IGF1R: variants seen among roughly 807,000 people sequenced by gnomAD.
IGF1R encodes the protein insulin like growth factor 1 receptor, also known as insulin-like growth factor 1 receptor.
In IGF1R, 44 loss-of-function variants were observed where a neutral mutation model predicts 144.6. That is an observed-to-expected ratio of 0.30 (90% CI 0.24 to 0.39). IGF1R has a LOEUF of 0.39. Among genes scored for constraint, IGF1R ranks in the 10% least tolerant of loss-of-function variants. The pLI, the probability that IGF1R is intolerant of heterozygous loss-of-function variation, is 1.00. For missense variants in IGF1R, 1,355 were observed against 1,833.7 expected (o/e 0.74, Z 4.77); for synonymous variants, 795 against 722.8 (o/e 1.10, Z -1.60).
intron 2 of IGF1R, among the ~76,000 whole-genome samples, chr15:98,862,361 T>A (rs943755587): frequency 2.0e-5 from 3 of 152,218 alleles, no homozygotes; most frequent in Non-Finnish European, 4.4e-5. Context: ...CCTCTTTGCA[T>A]CCTTCAACCA....
intron 2 of IGF1R, among the ~76,000 whole-genome samples, chr15:98,807,905 G>A (rs1262664519): frequency 1.3e-5 from 2 of 152,222 alleles, no homozygotes; most frequent in African/African-American, 2.4e-5. Context: ...AATCATTTTG[G>A]TGAATTTAGT....
At chr15:98,715,560 A>T (rs1040900197) in intron 2 of IGF1R, among the ~76,000 whole-genome samples, 1 of 152,126 alleles carries the variant, frequency 6.6e-6, no homozygotes, top group Admixed American at 6.5e-5. Flanking sequence ...CCTCATGTGT[A>T]TGCCAGTGTG....
chr15:98,765,484 T>C (rs1285981464), intron 2 of IGF1R, among the ~76,000 whole-genome samples: 1 of 151,896 alleles, frequency 6.6e-6, no homozygotes, highest in Admixed American at 6.6e-5. Context: ...AATTTTTTTT[T>C]CTTTTCTCTT....
chr15:98,915,321 C>T (rs976676824), intron 8 of IGF1R, among the ~76,000 whole-genome samples: 46 of 152,190 alleles, frequency 3.0e-4, no homozygotes, highest in Non-Finnish European at 1.0e-4. Flanking sequence ...GGCTTCCATG[C>T]GTTTGCAGTT....
intron 18 of IGF1R, among the ~76,000 whole-genome samples, chr15:98,941,343 C>T (rs908781699): frequency 4.6e-5 from 7 of 152,180 alleles, no homozygotes; most frequent in African/African-American, 1.2e-4. Context: ...CTCCCCACTG[C>T]GCGTCACCCT....
intron 2 of IGF1R, among the ~76,000 whole-genome samples, chr15:98,772,510 A>ATTG (rs3076034): frequency 0.046 from 6,494 of 141,892 alleles, 220 homozygotes; most frequent in Admixed American, 0.083. Flanking sequence ...TATTATTATT[A>ATTG]TTATTTTAAG....
chr15:98,797,209 C>T (rs1482004714), intron 2 of IGF1R, among the ~76,000 whole-genome samples: 1 of 152,156 alleles, frequency 6.6e-6, no homozygotes, highest in Non-Finnish European at 1.5e-5. Flanking sequence ...AGGAAGTCAC[C>T]TGATGTCCAT....
At chr15:98,932,221 G>A (rs538293699) in intron 15 of IGF1R, among the ~76,000 whole-genome samples, 1 of 152,330 alleles carries the variant, frequency 6.6e-6, no homozygotes, top group East Asian at 1.9e-4. Context: ...CACCCAGGTC[G>A]ACAGGTGGGA....
chr15:98,953,987 C>G (rs938277495), intron 20 of IGF1R, among the ~76,000 whole-genome samples: 4 of 152,172 alleles, frequency 2.6e-5, no homozygotes, highest in African/African-American at 4.8e-5. Context: ...ACGACCCTTA[C>G]TGTTGAGGGC....
chr15:98,664,679 A>T (rs2052685722), intron 1 of IGF1R, among the ~76,000 whole-genome samples: 1 of 133,904 alleles, frequency 7.5e-6, no homozygotes. Context: ...GGCGAGAGTG[A>T]GACTCCATGT....
At chr15:98,679,419 C>T (rs749106644) in intron 1 of IGF1R, among the ~76,000 whole-genome samples, 1 of 152,122 alleles carries the variant, frequency 6.6e-6, no homozygotes, top group Non-Finnish European at 1.5e-5. Flanking sequence ...AATTAATTGC[C>T]GTGCTCCACA....
rs915155570 is a variant in IGF1R, at chr15:98,858,480, T to C, written c.641-32845T>C. Among the ~76,000 whole-genome samples the C allele has an allele frequency of 5.3e-5, 8 of 152,356 alleles. No individual in the cohort carries two copies. In the East Asian group the frequency reaches 1.3e-3, roughly 26 times the overall value. Reference sequence around the variant, plus strand: ...CATTTCCAGTTATATTTAATTTTCCTCCTTGAATAGAAAAATATTTCCAAC... The same window carrying C: ...CATTTCCAGTTATATTTAATTTTCCCCCTTGAATAGAAAAATATTTCCAAC... On this transcript the variant is annotated intron_variant, in intron 2 of 20. Transcript: ENST00000650285.
chr15:98,678,517 G>GTTTTTGTTGTGTTTC (rs2053105199), intron 1 of IGF1R, among the ~76,000 whole-genome samples: 1 of 150,476 alleles, frequency 6.6e-6, no homozygotes, highest in Admixed American at 6.6e-5. Context: ...AAAAAGAATA[G>GTTTTTGTTGTGTTTC]TTTTTGTTGT....
At chr15:98,717,439 G>C (rs1463088053) in intron 2 of IGF1R, among the ~76,000 whole-genome samples, 1 of 151,948 alleles carries the variant, frequency 6.6e-6, no homozygotes, top group African/African-American at 2.4e-5. Flanking sequence ...ATAACTAAAT[G>C]GTCCTTCTGT....
At chr15:98,702,138 C>A (rs956375812) in intron 1 of IGF1R, among the ~76,000 whole-genome samples, 1 of 145,182 alleles carries the variant, frequency 6.9e-6, no homozygotes, top group South Asian at 2.3e-4. Context: ...AGCTTTGGGG[C>A]GTTTTCTCAG....
In IGF1R at chr15:98,648,935, G is replaced by GCGGC; in HGVS notation, c.-641_-638dup. 5.5e-6 allele frequency: 1 copy of GCGGC among 180,340 alleles called. No homozygotes were observed. Among genetic ancestry groups the GCGGC allele is most frequent in the Non-Finnish European group, 1.2e-5 (1 of 85,172 alleles). The allele number at this position is 180,340 out of a possible 1,614,324, so 11.2% of individuals were successfully genotyped here. On this transcript the variant is annotated 5_prime_UTR_variant, in exon 1 of 21. Transcript: ENST00000650285. ...GCGCGGCGGGAGTGCTGAGCGCGGCGCGGCCGGCCCGCCGCTTTGTGTGTG... is the reference window on the plus strand; with the variant it reads ...GCGCGGCGGGAGTGCTGAGCGCGGCGCGGCCGGCCGGCCCGCCGCTTTGTGTGTG...
chr15:98,928,440 G>A (rs981258628), intron 13 of IGF1R, among the ~76,000 whole-genome samples: 3 of 152,166 alleles, frequency 2.0e-5, no homozygotes, highest in Non-Finnish European at 2.9e-5. Flanking sequence ...CCTGGAACGC[G>A]AATCTGATCA....
intron 20 of IGF1R, among the ~76,000 whole-genome samples, chr15:98,955,987 G>C (rs546771520): frequency 6.6e-5 from 10 of 152,234 alleles, no homozygotes; most frequent in Non-Finnish European, 1.5e-5. Flanking sequence ...GTAAGAGAGG[G>C]CTGTTGGCGG....
Position 98,803,347 on chromosome 15 carries a change from T to TA in IGF1R, c.641-87971dup, listed in dbSNP as rs201692675. Among the ~76,000 whole-genome samples the TA allele has an allele frequency of 5.4e-3, 825 of 152,076 alleles. 21 individuals are homozygous for TA. The highest frequency in any genetic ancestry group is 0.045 in the Admixed American group (687 of 15,278). ...GCAGTAAAAAATATAGTGTAAAAGA[T>TA]AAAAAAATGGTACACCTGTATAGGG... On this transcript the variant is annotated intron_variant, in intron 2 of 20. Coordinates refer to ENST00000650285, the MANE Select transcript of IGF1R (RefSeq NM_000875.5).
Sources: allele counts gnomAD v4.1 joint callset (sites outside exome capture counted in the v4.1 genomes callset), GRCh38; gene constraint gnomAD v4.1.1; transcripts MANE v1.5; gene names NCBI Gene and HGNC (gene_info 2026-07-23, HGNC 2026-07-21).